The following PAK1 variants were observed in gnomAD, a reference collection of about 807,000 sequenced individuals.
PAK1 encodes p21 (RAC1) activated kinase 1.
A neutral mutation model predicts 67.4 loss-of-function variants in PAK1; 29 were observed. The observed-to-expected ratio is 0.43, with a 90% CI of 0.32 to 0.59. The LOEUF (loss-of-function observed/expected upper bound fraction) is 0.59. Ranked by LOEUF, PAK1 falls within the 20% of genes least tolerant of loss-of-function variation. PAK1 has a pLI of 0.07. For missense variants in PAK1, 337 were observed against 670.7 expected (o/e 0.50, Z 5.50); for synonymous variants, 223 against 237.4 (o/e 0.94, Z 0.56).
chr11:77,491,125 T>TAA, the PAK1 span, among the ~76,000 whole-genome samples: 1 of 44,614 alleles, frequency 2.2e-5, no homozygotes. Flanking sequence ...GAATGATCAA[T>TAA]AAAAAAAAAA....
chr11:77,443,305 TAAAA>T (rs11330130), intron 1 of PAK1, among the ~76,000 whole-genome samples: 1 of 126,924 alleles, frequency 7.9e-6, no homozygotes, highest in Non-Finnish European at 1.7e-5. Context: ...CTCCGTCTCT[TAAAA>T]AAAAAAAAAA....
intron 1 of PAK1, among the ~76,000 whole-genome samples, chr11:77,442,479 T>C (rs1956397435): frequency 6.6e-6 from 1 of 152,182 alleles, no homozygotes; most frequent in African/African-American, 2.4e-5. Context: ...CTGAAGCTTT[T>C]AGCCAACAGC....
intron 7 of PAK1, 111 bp from the exon 8 acceptor site, chr11:77,353,710 T>G (rs558101189): frequency 3.7e-4 from 294 of 801,100 alleles, no homozygotes; most frequent in Non-Finnish European, 5.4e-4. Context: ...CTACCTCCAA[T>G]AGCCAAAAAG....
chr11:77,331,541 A>C (rs1941521444), intron 14 of PAK1, among the ~76,000 whole-genome samples: 1 of 152,228 alleles, frequency 6.6e-6, no homozygotes, highest in African/African-American at 2.4e-5. Context: ...AAGGACAAAA[A>C]ACCAAACACT....
At chr11:77,432,003 GTTTT>G (rs541049529) in intron 1 of PAK1, among the ~76,000 whole-genome samples, 15 of 151,774 alleles carry the variant, frequency 9.9e-5, no homozygotes, top group African/African-American at 1.7e-4. Context: ...GCCTGTGTGG[GTTTT>G]TTTTGTCTCC....
At chr11:77,516,657 T>C in the PAK1 span, among the ~76,000 whole-genome samples, 1 of 152,066 alleles carries the variant, frequency 6.6e-6, no homozygotes, top group Non-Finnish European at 1.5e-5. Context: ...AAATGAAGCA[T>C]CTCACATGCC....
intron 9 of PAK1, among the ~76,000 whole-genome samples, chr11:77,345,207 T>G (rs1944226740): frequency 6.6e-6 from 1 of 152,138 alleles, no homozygotes; most frequent in Non-Finnish European, 1.5e-5. Flanking sequence ...AGGGCTTGAT[T>G]GAAAGCCCAG....
chr11:77,418,061 T>G (rs1261479647), intron 1 of PAK1, among the ~76,000 whole-genome samples: 3 of 142,724 alleles, frequency 2.1e-5, no homozygotes, highest in Non-Finnish European at 4.6e-5. Flanking sequence ...TACACAATTC[T>G]TCTATAAACC....
chr11:77,412,040 C>A (rs905298131), intron 1 of PAK1: 2 of 152,380 alleles, frequency 1.3e-5, no homozygotes, highest in African/African-American at 4.8e-5. Flanking sequence ...GAGGAAGCCG[C>A]GCGCTTCTCC....
intron 6 of PAK1, among the ~76,000 whole-genome samples, chr11:77,358,160 T>C (rs1397120304): frequency 1.3e-5 from 2 of 152,192 alleles, no homozygotes; most frequent in African/African-American, 4.8e-5. Flanking sequence ...CTTTTTTTTT[T>C]CTTTCATGAT....
chr11:77,374,205 G>A, intron 5 of PAK1, 123 bp downstream of exon 5: 2 of 516,402 alleles, frequency 3.9e-6, no homozygotes, highest in Admixed American at 6.5e-5. Flanking sequence ...TAGGAATTCT[G>A]AGGCCAAGGG....
At chr11:77,431,457 G>A (rs1955854859) in intron 1 of PAK1, among the ~76,000 whole-genome samples, 1 of 152,116 alleles carries the variant, frequency 6.6e-6, no homozygotes, top group Non-Finnish European at 1.5e-5. Flanking sequence ...TGAAAAACAT[G>A]TACTCCTAAT....
chr11:77,387,356 A>C, intron 2 of PAK1, among the ~76,000 whole-genome samples: 1 of 152,238 alleles, frequency 6.6e-6, no homozygotes, highest in Non-Finnish European at 1.5e-5. Context: ...TACAGGCGTG[A>C]GCCACTTGCA....
chr11:77,447,246 G>C (rs1956653869), intron 1 of PAK1, among the ~76,000 whole-genome samples: 1 of 152,184 alleles, frequency 6.6e-6, no homozygotes, highest in South Asian at 2.1e-4. Flanking sequence ...AAGGTCCTTT[G>C]TGTTTGGGCT....
At chr11:77,528,474 C>T in the PAK1 span, among the ~76,000 whole-genome samples, 1 of 151,944 alleles carries the variant, frequency 6.6e-6, no homozygotes, top group African/African-American at 2.4e-5. Context: ...ATTCTCCCAC[C>T]TCGGCGTCCT....
chr11:77,494,715 TTTC>T, the PAK1 span, among the ~76,000 whole-genome samples: 4 of 152,110 alleles, frequency 2.6e-5, no homozygotes, highest in Non-Finnish European at 5.9e-5. Flanking sequence ...TAGAAAATGT[TTTC>T]TTTACAGATT....
the PAK1 span, among the ~76,000 whole-genome samples, chr11:77,502,060 T>C: frequency 2.6e-5 from 4 of 152,254 alleles, no homozygotes; most frequent in African/African-American, 9.6e-5. Flanking sequence ...TTATGACATA[T>C]ATTGGCGCCA....
intron 5 of PAK1, among the ~76,000 whole-genome samples, chr11:77,359,310 C>A (rs565185060): frequency 6.6e-6 from 1 of 152,278 alleles, no homozygotes; most frequent in Admixed American, 6.5e-5. Flanking sequence ...CCCAACCCAA[C>A]CCCTGAAGAC....
At chr11:77,462,012 G>A (rs1483560538) in intron 1 of PAK1, among the ~76,000 whole-genome samples, 1 of 152,162 alleles carries the variant, frequency 6.6e-6, no homozygotes, top group Admixed American at 6.5e-5. Flanking sequence ...CAAAGTAGCT[G>A]CTGATCAGCT....
Sources: allele counts gnomAD v4.1 joint callset (sites outside exome capture counted in the v4.1 genomes callset), GRCh38; gene constraint gnomAD v4.1.1; transcripts MANE v1.5; gene names NCBI Gene and HGNC (gene_info 2026-07-23, HGNC 2026-07-21).